PDE4D: variants seen among roughly 807,000 people sequenced by gnomAD.
The protein encoded by PDE4D is phosphodiesterase 4D, also known as 3',5'-cyclic-AMP phosphodiesterase 4D.
In PDE4D, 24 loss-of-function variants were observed where a neutral mutation model predicts 87.4. The ratio of observed to expected loss-of-function variants is 0.27; its 90% CI spans 0.20 to 0.39. The LOEUF (loss-of-function observed/expected upper bound fraction) is 0.39, where lower values mean the gene tolerates loss of function less well. Among genes scored for constraint, PDE4D ranks in the 10% least tolerant of loss-of-function variants. The pLI, the probability that PDE4D is intolerant of heterozygous loss-of-function variation, is 1.00. For missense variants in PDE4D, 714 were observed against 1,041.0 expected (o/e 0.69, Z 4.32); for synonymous variants, 384 against 383.2 (o/e 1.00, Z -0.02).
At chr5:59,648,508 T>C (rs1375167521) in intron 1 of PDE4D, among the ~76,000 whole-genome samples, 1 of 152,162 alleles carries the variant, frequency 6.6e-6, no homozygotes, top group Middle Eastern at 3.2e-3. Context: ...AGAATAAAGA[T>C]GACTAATTAT....
Position 58,975,129 on chromosome 5 carries a change from A to G in PDE4D, c.2014-49T>C. ...TGAGTAGAGGACTTGGGACTAAGAAACAATGGAAAAGCTTAATTAGATCAT... is the reference window on the plus strand; with the variant it reads ...TGAGTAGAGGACTTGGGACTAAGAAGCAATGGAAAAGCTTAATTAGATCAT... On this transcript the variant is annotated intron_variant, in intron 14 of 14. Coordinates refer to ENST00000340635, the MANE Select transcript of PDE4D (RefSeq NM_001104631.2). This position sits in a 1 kb window ranked among gnomAD's most constrained non-coding sequence, Gnocchi z 4.2. 1.7e-6 allele frequency: 2 copies of G among 1,159,966 alleles called. No homozygotes were observed. The highest frequency in any genetic ancestry group is 2.3e-6 in the Non-Finnish European group (2 of 861,938). 71.9% of individuals were successfully genotyped at this position (1,159,966 alleles called of 1,614,324 possible).
At chr5:60,220,124 C>T (rs1391841537) in intron 1 of PDE4D, among the ~76,000 whole-genome samples, 3 of 152,154 alleles carry the variant, frequency 2.0e-5, no homozygotes, top group African/African-American at 7.2e-5. Context: ...GGAGAAAAAA[C>T]TCCCAGGTCT....
intron 2 of PDE4D, among the ~76,000 whole-genome samples, chr5:60,005,733 A>T (rs765091776): frequency 2.0e-4 from 31 of 152,052 alleles, no homozygotes; most frequent in Admixed American, 6.6e-4. Flanking sequence ...TTAACTAATA[A>T]TTATAGAAAA....
At chr5:59,642,460 A>G (rs2150199245) in intron 1 of PDE4D, among the ~76,000 whole-genome samples, 1 of 152,186 alleles carries the variant, frequency 6.6e-6, no homozygotes, top group Admixed American at 6.5e-5. Flanking sequence ...TGTGGGGGAC[A>G]CCCGGTGGGA....
chr5:60,082,981 A>G (rs1774127011), intron 2 of PDE4D, among the ~76,000 whole-genome samples: 2 of 152,052 alleles, frequency 1.3e-5, no homozygotes, highest in Admixed American at 6.6e-5. Flanking sequence ...TCCTCCCTCC[A>G]TCTGAGGTAG....
At chr5:60,078,054 C>T (rs1348077978) in intron 2 of PDE4D, among the ~76,000 whole-genome samples, 2 of 152,104 alleles carry the variant, frequency 1.3e-5, no homozygotes, top group East Asian at 1.9e-4. Flanking sequence ...TGTCCCAGTC[C>T]TTTGGTGGGA....
At chr5:60,171,977 CG>C (rs1311901260) in intron 2 of PDE4D, among the ~76,000 whole-genome samples, 1 of 150,914 alleles carries the variant, frequency 6.6e-6, no homozygotes, top group Non-Finnish European at 1.5e-5. Context: ...GTATTTTAGA[CG>C]TAAGTATTGG....
intron 1 of PDE4D, among the ~76,000 whole-genome samples, chr5:60,393,867 A>T (rs369514670): frequency 3.9e-5 from 6 of 152,318 alleles, no homozygotes; most frequent in East Asian, 1.9e-4. Flanking sequence ...TTTCACAGTA[A>T]AACACTAATT....
chr5:60,482,137 G>C (rs1367103121), intron 1 of PDE4D, among the ~76,000 whole-genome samples: 1 of 152,102 alleles, frequency 6.6e-6, no homozygotes, highest in African/African-American at 2.4e-5. Flanking sequence ...GGTCATGAGA[G>C]TGGAGCCATC....
intron 2 of PDE4D, among the ~76,000 whole-genome samples, chr5:60,067,112 C>T (rs1772191333): frequency 6.6e-6 from 1 of 152,134 alleles, no homozygotes; most frequent in Non-Finnish European, 1.5e-5. Flanking sequence ...TATATTCATT[C>T]ATATATGTCT....
intron 5 of PDE4D, among the ~76,000 whole-genome samples, chr5:59,089,120 G>C (rs994861261): frequency 6.6e-6 from 1 of 152,170 alleles, no homozygotes; most frequent in South Asian, 2.1e-4. Flanking sequence ...GTTTCCTGCT[G>C]TATGGAAAAC....
chr5:60,378,801 C>T (rs556987871), intron 1 of PDE4D, among the ~76,000 whole-genome samples: 1 of 151,826 alleles, frequency 6.6e-6, no homozygotes, highest in Non-Finnish European at 1.5e-5. Context: ...TGCAGTGAGC[C>T]TAGAGAGCAC....
At chr5:59,286,963 G>A (rs1767072196) in intron 1 of PDE4D, among the ~76,000 whole-genome samples, 1 of 152,094 alleles carries the variant, frequency 6.6e-6, no homozygotes, top group African/African-American at 2.4e-5. Flanking sequence ...GGGAGGTGGA[G>A]CCATATGGCT....
intron 1 of PDE4D, among the ~76,000 whole-genome samples, chr5:60,312,905 C>T (rs763575877): frequency 2.0e-5 from 3 of 152,212 alleles, no homozygotes; most frequent in Non-Finnish European, 4.4e-5. Flanking sequence ...ATACCAGAAT[C>T]TCTATCTTAT....
intron 3 of PDE4D, among the ~76,000 whole-genome samples, chr5:59,917,277 T>A (rs1226919155): frequency 6.6e-6 from 1 of 152,184 alleles, no homozygotes; most frequent in Non-Finnish European, 1.5e-5. Context: ...GTCATTAACC[T>A]CATTCTGTTT....
intron 5 of PDE4D, among the ~76,000 whole-genome samples, chr5:59,158,100 A>T (rs972887427): frequency 6.6e-6 from 1 of 152,180 alleles, no homozygotes; most frequent in Non-Finnish European, 1.5e-5. Context: ...TGCTCTTCAA[A>T]GCCCAAGACC....
At chr5:59,298,006 G>A (rs1769421951) in intron 1 of PDE4D, among the ~76,000 whole-genome samples, 1 of 152,010 alleles carries the variant, frequency 6.6e-6, no homozygotes, top group Non-Finnish European at 1.5e-5. Flanking sequence ...GGTTCCCTTG[G>A]GGTTGGTAGG....
chr5:59,231,522 AC>A (rs1755185940), intron 1 of PDE4D, among the ~76,000 whole-genome samples: 2 of 152,324 alleles, frequency 1.3e-5, no homozygotes, highest in South Asian at 4.2e-4. Context: ...CTGGTCCGTG[AC>A]TGAGAGCAAG....
chr5:59,991,544 T>C (rs1406903936), intron 2 of PDE4D, among the ~76,000 whole-genome samples: 2 of 152,116 alleles, frequency 1.3e-5, no homozygotes, highest in Non-Finnish European at 1.5e-5. Context: ...GATCTGCTGG[T>C]CTTAACCTTG....
Sources: gnomAD v4.1 joint callset for allele counts (sites outside exome capture counted in the v4.1 genomes callset) on GRCh38, gnomAD v4.1.1 for gene constraint, Gnocchi (gnomAD v3.1) non-coding constraint, MANE v1.5 for transcripts, NCBI Gene and HGNC (gene_info 2026-07-23, HGNC 2026-07-21) for gene names.